ADK: variants seen among roughly 807,000 people sequenced by gnomAD.
ADK encodes adenosine kinase.
In ADK, 24 loss-of-function variants were observed where a neutral mutation model predicts 44.7. The observed-to-expected ratio is 0.54, with a 90% confidence interval of 0.39 to 0.76. The LOEUF is 0.76. Among genes scored for constraint, ADK ranks in the 30% least tolerant of loss-of-function variants. The pLI is 0.00. For synonymous variants in ADK, 128 were observed against 142.6 expected, an observed-to-expected ratio of 0.90 and a Z score of 0.73; for missense variants, 321 against 425.1, an observed-to-expected ratio of 0.76 and a Z score of 2.15.
rs1434895947 is a variant in ADK, at chr10:74,447,761, CA to C, written c.555+49188del. ...GATAAGAAGTCAATTAAAAAAGCAC[CA>C]AAAAATGCTTAATAAAGTGGTCTGA... On this transcript the variant is annotated intron_variant, in intron 6 of 10. Coordinates refer to ENST00000539909, the MANE Select transcript of ADK (RefSeq NM_006721.4). 5.9e-5 allele frequency among the ~76,000 whole-genome samples: 9 copies of C among 152,096 alleles called. No homozygotes were observed. The South Asian group carries it at 1.9e-3, about 32-fold the overall frequency.
chr10:74,695,629 T>TGTATGTGTGGG (rs1030861894), intron 10 of ADK, among the ~76,000 whole-genome samples: 1 of 150,464 alleles, frequency 6.6e-6, no homozygotes, highest in African/African-American at 2.4e-5. Flanking sequence ...GGTGTGTGTG[T>TGTATGTGTGGG]GTGTGTGTGT....
In ADK at chr10:74,154,506, C is replaced by T. The variant is rs1038145496; in HGVS notation, c.65+3163C>T. ...CTGGTCTTGAACTTCTGACCTCAAG[C>T]GATCCACCTGCCTCAGCCTCCCAAA... On this transcript the variant is annotated intron_variant, in intron 1 of 10. Transcript: ENST00000539909. 2.6e-5 allele frequency among the ~76,000 whole-genome samples: 4 copies of T among 152,060 alleles called. No homozygotes were observed. The East Asian group carries it at 5.8e-4, about 22-fold the overall frequency.
At chr10:74,627,114 C>G (rs970638533) in intron 9 of ADK, among the ~76,000 whole-genome samples, 3 of 151,962 alleles carry the variant, frequency 2.0e-5, no homozygotes, top group African/African-American at 7.3e-5. Flanking sequence ...GACCTTAGGC[C>G]CTCATAGCAT....
chr10:74,153,337 G>A (rs137866511), intron 1 of ADK, among the ~76,000 whole-genome samples: 2,509 of 152,264 alleles, frequency 0.016, 42 homozygotes, highest in Non-Finnish European at 0.029. Flanking sequence ...GAATTCAGGG[G>A]TGCTGCTAAA....
chr10:74,356,894 C>T (rs1403162800), intron 4 of ADK, among the ~76,000 whole-genome samples: 1 of 151,996 alleles, frequency 6.6e-6, no homozygotes, highest in Non-Finnish European at 1.5e-5. Context: ...TGACATGTCC[C>T]TCCCTGGAGA....
At chr10:74,611,146 C>G (rs139250726) in intron 9 of ADK, among the ~76,000 whole-genome samples, 33 of 152,174 alleles carry the variant, frequency 2.2e-4, no homozygotes, top group African/African-American at 7.0e-4. Context: ...TTCCCAGCCT[C>G]CTAAGTAGCC....
At chr10:74,634,975 G>A (rs1225373848) in intron 9 of ADK, among the ~76,000 whole-genome samples, 1 of 152,060 alleles carries the variant, frequency 6.6e-6, no homozygotes, top group African/African-American at 2.4e-5. Context: ...ACAGAGAACA[G>A]AGCTTCCTTG....
chr10:74,215,642 TTATA>T (rs906741280), intron 2 of ADK, among the ~76,000 whole-genome samples: 2 of 150,848 alleles, frequency 1.3e-5, no homozygotes, highest in Non-Finnish European at 2.9e-5. Context: ...TTTAATAACT[TTATA>T]TAATACTGAT....
intron 3 of ADK, among the ~76,000 whole-genome samples, chr10:74,276,762 A>G (rs1846695459): frequency 6.6e-6 from 1 of 151,506 alleles, no homozygotes; most frequent in African/African-American, 2.4e-5. Context: ...GTTTAATCTC[A>G]GTGGTGTTTA....
intron 9 of ADK, among the ~76,000 whole-genome samples, chr10:74,604,932 T>A (rs538384498): frequency 4.6e-5 from 7 of 152,294 alleles, no homozygotes; most frequent in African/African-American, 1.7e-4. Context: ...TGAGCAATGG[T>A]TTGTAGTTCT....
At chr10:74,444,762 G>T (rs1845538480) in intron 6 of ADK, among the ~76,000 whole-genome samples, 1 of 151,990 alleles carries the variant, frequency 6.6e-6, no homozygotes, top group South Asian at 2.1e-4. Flanking sequence ...GAGTTCAGGG[G>T]TGATGGTCAT....
chr10:74,700,862 A>T (rs969873903), intron 10 of ADK, among the ~76,000 whole-genome samples: 1 of 152,192 alleles, frequency 6.6e-6, no homozygotes, highest in African/African-American at 2.4e-5. Context: ...CAATAAGGAT[A>T]GAATGTAAGA....
At chr10:74,653,287 A>C (rs750197365) in intron 9 of ADK, among the ~76,000 whole-genome samples, 1 of 152,060 alleles carries the variant, frequency 6.6e-6, no homozygotes, top group Non-Finnish European at 1.5e-5. Context: ...CCCTATATCT[A>C]CTAAAAATAC....
intron 3 of ADK, among the ~76,000 whole-genome samples, chr10:74,245,952 A>T (rs201818634): frequency 6.6e-6 from 1 of 152,132 alleles, no homozygotes; most frequent in Non-Finnish European, 1.5e-5. Context: ...GTTTAAAAGG[A>T]TCATCTCATT....
At chr10:74,181,490 AT>A (rs1842556314) in intron 1 of ADK, among the ~76,000 whole-genome samples, 1 of 152,230 alleles carries the variant, frequency 6.6e-6, no homozygotes, top group South Asian at 2.1e-4. Flanking sequence ...GATAGAACAT[AT>A]TTGATAAATT....
At chr10:74,293,143 G>C (rs567059302) in intron 3 of ADK, among the ~76,000 whole-genome samples, 1 of 123,474 alleles carries the variant, frequency 8.1e-6, no homozygotes, top group Non-Finnish European at 1.6e-5. Context: ...TCCAGCCCCC[G>C]TGACTGATTG....
At chr10:74,291,412 G>A (rs888890521) in intron 3 of ADK, among the ~76,000 whole-genome samples, 5 of 152,004 alleles carry the variant, frequency 3.3e-5, no homozygotes, top group Admixed American at 6.6e-5. Flanking sequence ...GTGAGACTCC[G>A]TCTCAAAAAC....
intron 10 of ADK, among the ~76,000 whole-genome samples, chr10:74,683,835 T>G (rs1301397650): frequency 6.6e-6 from 1 of 152,264 alleles, no homozygotes; most frequent in Non-Finnish European, 1.5e-5. Flanking sequence ...CCAGACTGTT[T>G]GCTCCAGCTT....
In ADK at chr10:74,294,546, C is replaced by T. The variant is rs527763127; in HGVS notation, c.195-20121C>T. ...AGGTGATCTGCCTGCCTTGGCCTCCCAAAGTACTGGAATTATAGGTGTGAG... is the reference window on the plus strand; with the variant it reads ...AGGTGATCTGCCTGCCTTGGCCTCCTAAAGTACTGGAATTATAGGTGTGAG... On this transcript the variant is annotated intron_variant, in intron 3 of 10. Coordinates refer to ENST00000539909, the MANE Select transcript of ADK (RefSeq NM_006721.4). 2.0e-4 allele frequency among the ~76,000 whole-genome samples: 31 copies of T among 152,282 alleles called. No homozygotes were observed. The South Asian group carries it at 6.2e-3, about 31-fold the overall frequency.
Sources: gnomAD v4.1 joint callset for allele counts (sites outside exome capture counted in the v4.1 genomes callset) on GRCh38, gnomAD v4.1.1 for gene constraint, MANE v1.5 for transcripts, NCBI Gene and HGNC (gene_info 2026-07-23, HGNC 2026-07-21) for gene names.